TRPM4: variants seen among roughly 807,000 people sequenced by gnomAD.
TRPM4 encodes transient receptor potential cation channel subfamily M member 4.
Under a neutral mutation model 135.6 loss-of-function variants are expected in TRPM4, and 124 were observed. The ratio of observed to expected loss-of-function variants is 0.91; its 90% CI spans 0.79 to 1.06. The LOEUF (loss-of-function observed/expected upper bound fraction) is 1.06. Ranked by LOEUF, TRPM4 falls within the 50% of genes least tolerant of loss-of-function variation. The pLI is 0.00. For synonymous variants in TRPM4, 745 were observed against 705.6 expected, an observed-to-expected ratio of 1.06 and a Z score of -0.88; for missense variants, 1,658 against 1,671.4, an observed-to-expected ratio of 0.99 and a Z score of 0.14.
At position 49,195,940 on chromosome 19, in the gene TRPM4, C is replaced by A. The variant is rs530652796; in HGVS notation, c.2211-500C>A. On this transcript the variant is annotated intron_variant, in intron 16 of 24. Coordinates refer to ENST00000252826, the MANE Select transcript of TRPM4 (RefSeq NM_017636.4). ...TCGCCTAGGCTGCAGTGCATTGCAACCTCTGCCTCCCAGGTTCAAGCGATT... is the reference window on the plus strand; with the variant it reads ...TCGCCTAGGCTGCAGTGCATTGCAAACTCTGCCTCCCAGGTTCAAGCGATT... 1.6e-3 allele frequency among the ~76,000 whole-genome samples: 244 copies of A among 151,782 alleles called. 1 individual carries two copies. Among genetic ancestry groups the A allele is most frequent in the Non-Finnish European group, 1.7e-3 (113 of 67,952 alleles).
intron 2 of TRPM4, among the ~76,000 whole-genome samples, chr19:49,163,165 T>C (rs1320288130): frequency 6.6e-6 from 1 of 151,294 alleles, no homozygotes; most frequent in Non-Finnish European, 1.5e-5. Context: ...AGCTCCAGAC[T>C]ATTCCGTGAA....
intron 16 of TRPM4, among the ~76,000 whole-genome samples, chr19:49,196,230 C>A (rs1968629414): frequency 6.6e-6 from 1 of 152,152 alleles, no homozygotes; most frequent in South Asian, 2.1e-4. Context: ...TCCAACTCCT[C>A]GGCTCAAGCG....
At chr19:49,169,973 T>C (rs976475001) in intron 6 of TRPM4, among the ~76,000 whole-genome samples, 9 of 152,338 alleles carry the variant, frequency 5.9e-5, no homozygotes, top group Admixed American at 3.9e-4. Flanking sequence ...ATTTTCTTAT[T>C]GATCTTTATT....
At chr19:49,161,551 T>A (rs1966964684) in intron 2 of TRPM4, among the ~76,000 whole-genome samples, 1 of 151,536 alleles carries the variant, frequency 6.6e-6, no homozygotes, top group South Asian at 2.1e-4. Flanking sequence ...GGTATCCAAC[T>A]CCTGGACTCA....
At chr19:49,180,044 G>C (rs776786807) in intron 9 of TRPM4, among the ~76,000 whole-genome samples, 1 of 152,174 alleles carries the variant, frequency 6.6e-6, no homozygotes, top group Non-Finnish European at 1.5e-5. Flanking sequence ...TGGAACCCAC[G>C]TCTGCCTGCC....
chr19:49,181,381 G>T lies in TRPM4; in HGVS notation c.1183G>T (p.Asp395Tyr), dbSNP rs146559411. 3 of 1,613,974 alleles carry T rather than the reference G, an allele frequency of 1.9e-6. No homozygotes were observed. The highest frequency in any genetic ancestry group is 2.5e-6 in the Non-Finnish European group (3 of 1,180,014). The change falls in exon 10 of 25, where the codon GAT (aspartate) becomes TAT (tyrosine). Residue 395 changes from aspartate (D) to tyrosine (Y), a missense_variant. By Grantham distance (160) the Asp-to-Tyr change is radical. Around this residue, in one of 3 missense-constraint regions of TRPM4, gnomAD observed 1,412 missense variants for 1,408.7 expected, o/e 1.00. Coordinates refer to ENST00000252826, the MANE Select transcript of TRPM4 (RefSeq NM_017636.4). ...CGSSEASAYL[D>Y]ELRLAVAWNR... Reference sequence around the variant, plus strand: ...GAGCTCGGAGGCCTCAGCCTACCTGGATGAGCTGCGTTTGGCTGTGGCTTG... The same window carrying T: ...GAGCTCGGAGGCCTCAGCCTACCTGTATGAGCTGCGTTTGGCTGTGGCTTG...
At chr19:49,164,363 A>ATTTT (rs1967087744) in intron 2 of TRPM4, among the ~76,000 whole-genome samples, 3 of 10,100 alleles carry the variant, frequency 3.0e-4, no homozygotes, top group Non-Finnish European at 5.1e-4. Flanking sequence ...TTCTTTCCTT[A>ATTTT]GTTTTTTTTT....
At chr19:49,177,556 G>A (rs1842598983) in intron 9 of TRPM4, among the ~76,000 whole-genome samples, 1 of 151,990 alleles carries the variant, frequency 6.6e-6, no homozygotes, top group Admixed American at 6.6e-5. Context: ...TCGACCTTCT[G>A]ACCTCGTGAT....
rs754419823 is a variant in TRPM4, at chr19:49,171,466, G to A, written c.858+48G>A. The A allele has an allele frequency of 6.2e-7, 1 of 1,612,102 alleles. No individual in the cohort carries two copies. The highest frequency in any genetic ancestry group is 2.2e-5 in the East Asian group (1 of 44,852). ...ATCTAAGGGGGAAGGAGGGTTGGGGGCCAGGACTCCTGGGTCCTGAGTCTT... is the reference window on the plus strand; with the variant it reads ...ATCTAAGGGGGAAGGAGGGTTGGGGACCAGGACTCCTGGGTCCTGAGTCTT... On this transcript the variant is annotated intron_variant, in intron 7 of 24. Coordinates refer to ENST00000252826, the MANE Select transcript of TRPM4 (RefSeq NM_017636.4). This position sits in a 1 kb window ranked among gnomAD's most constrained non-coding sequence, Gnocchi z 4.7.
chr19:49,181,293 C>T, intron 9 of TRPM4, 56 bp from the exon 10 acceptor site: 1 of 1,308,506 alleles, frequency 7.6e-7, no homozygotes, highest in Non-Finnish European at 1.1e-6. Flanking sequence ...AATAGACATT[C>T]AGCAGATGTC....
At chr19:49,184,923 GT>G (rs797012638) in intron 12 of TRPM4, among the ~76,000 whole-genome samples, 12 of 134,198 alleles carry the variant, frequency 8.9e-5, no homozygotes, top group African/African-American at 2.9e-4. Flanking sequence ...TGTTTTCTGT[GT>G]TTTTTTCTTT....
chr19:49,211,725 C>T lies in TRPM4; in HGVS notation c.*227C>T, dbSNP rs1031807146. 5 of 627,894 alleles carry T rather than the reference C, an allele frequency of 8.0e-6. No individual in the cohort carries two copies. In the African/African-American group the frequency reaches 9.2e-5, roughly 12 times the overall value. 38.9% of individuals were successfully genotyped at this position (627,894 alleles called of 1,614,324 possible). A position where few individuals can be genotyped will look rare whatever the true frequency, so the allele number is the denominator to read the frequency against. ...AGCCTGGGAGGATCAAGGCCTGGAT[C>T]CCGGGCCGTTATCCATCTGGAGGCT... On this transcript the variant is annotated 3_prime_UTR_variant, in exon 25 of 25. Transcript: ENST00000252826. The surrounding 1 kb of genome is among the most constrained non-coding windows in gnomAD (Gnocchi z 4.8).
chr19:49,210,310 C>T lies in TRPM4; in HGVS notation c.3233C>T (p.Pro1078Leu). 6.2e-7 allele frequency: 1 copy of T among 1,614,250 alleles called. No individual in the cohort carries two copies. Among genetic ancestry groups the T allele is most frequent in the Admixed American group, 1.7e-5 (1 of 60,024 alleles). ...EFHSRPALAP[P>L]FIVISHLRLL... Reference sequence around the variant, plus strand: ...CACTCTCGGCCCGCGCTGGCCCCGCCCTTTATCGTCATCTCCCACTTGCGC... The same window carrying T: ...CACTCTCGGCCCGCGCTGGCCCCGCTCTTTATCGTCATCTCCCACTTGCGC... The change falls in exon 21 of 25, where the codon CCC (proline) becomes CTC (leucine). Residue 1078 changes from proline to leucine, a missense_variant. Physicochemically the swap from Pro to Leu is moderately conservative, Grantham distance 98. Transcript: ENST00000252826. The surrounding 1 kb of genome is among the most constrained non-coding windows in gnomAD (Gnocchi z 4.1).
Position 49,211,628 on chromosome 19 carries a change from C to T in TRPM4, c.*130C>T. The stretch of plus-strand genomic sequence containing the variant: ...GTGAGCCCCATGTCCATCTGGGCCA[C>T]TGTCAGGACCACCTTTGGGAGTGTC... On this transcript the variant is annotated 3_prime_UTR_variant, in exon 25 of 25. Coordinates refer to ENST00000252826, the MANE Select transcript of TRPM4 (RefSeq NM_017636.4). This position sits in a 1 kb window ranked among gnomAD's most constrained non-coding sequence, Gnocchi z 4.8. The T allele has an allele frequency of 8.6e-7, 1 of 1,164,280 alleles. No individual in the cohort carries two copies. The highest frequency in any genetic ancestry group is 2.3e-5 in the East Asian group (1 of 42,832). The allele number at this position is 1,164,280 out of a possible 1,614,324, so 72.1% of individuals were successfully genotyped here.
At position 49,211,114 on chromosome 19, in the gene TRPM4, A is replaced by G. The variant is rs112015723; in HGVS notation, c.3534+27A>G. 3.0e-3 allele frequency: 4,914 copies of G among 1,612,790 alleles called. 152 individuals carry two copies. The African/African-American group carries it at 0.059, about 19-fold the overall frequency. Reference sequence around the variant, plus strand: ...TGAGGCCTTGGGGCCTGGCTGGGGGACTGTGGCAGGGGTCCCATCTCCCGC... The same window carrying G: ...TGAGGCCTTGGGGCCTGGCTGGGGGGCTGTGGCAGGGGTCCCATCTCCCGC... On this transcript the variant is annotated intron_variant, in intron 23 of 24. Coordinates refer to ENST00000252826, the MANE Select transcript of TRPM4 (RefSeq NM_017636.4). The surrounding 1 kb of genome is among the most constrained non-coding windows in gnomAD (Gnocchi z 4.8).
At position 49,168,308 on chromosome 19, in the gene TRPM4, TTGG is replaced by T; in HGVS notation, c.500_502del (p.Gly167del). On this transcript the variant is annotated inframe_deletion, in exon 5 of 25. Coordinates refer to ENST00000252826, the MANE Select transcript of TRPM4 (RefSeq NM_017636.4). Reference sequence around the variant, plus strand: ...CTGCACACGGGCATCGGCCGGCATGTTGGTGTGGCTGTACGGGACCATCAGATG... The same window carrying T: ...CTGCACACGGGCATCGGCCGGCATGTTGTGGCTGTACGGGACCATCAGATG... 1 of 1,614,066 alleles carries T rather than the reference TTGG, an allele frequency of 6.2e-7. No homozygotes were observed. The highest frequency in any genetic ancestry group is 1.1e-5 in the South Asian group (1 of 91,078).
Position 49,167,898 on chromosome 19 carries a change from C to T in TRPM4, c.268-19C>T, listed in dbSNP as rs377765533. 1.7e-5 allele frequency: 27 copies of T among 1,612,780 alleles called. 2 individuals are homozygous for T. The highest frequency in any genetic ancestry group is 1.6e-4 in the African/African-American group (12 of 74,996). On this transcript the variant is annotated intron_variant, in intron 3 of 24. Transcript: ENST00000252826. ...TCTCTGTCCCCCTCCCTGTGTGCCC[C>T]GCTCCCATGTGTCCACAGTTCCTCC...
At chr19:49,208,255 T>C (rs1421684799) in intron 20 of TRPM4, among the ~76,000 whole-genome samples, 1 of 152,040 alleles carries the variant, frequency 6.6e-6, no homozygotes, top group Non-Finnish European at 1.5e-5. Context: ...GTTAGGCCCC[T>C]GGATAACTGC....
chr19:49,191,554 C>T (rs746132257), intron 16 of TRPM4, among the ~76,000 whole-genome samples: 3 of 148,342 alleles, frequency 2.0e-5, no homozygotes, highest in East Asian at 2.0e-4. Context: ...CTCGCTCTGT[C>T]GACCAGGCTG....
Sources: gnomAD v4.1 joint callset for allele counts (sites outside exome capture counted in the v4.1 genomes callset) on GRCh38, gnomAD v4.1.1 for gene constraint, gnomAD v4.1.1 regional missense constraint, Gnocchi (gnomAD v3.1) non-coding constraint, MANE v1.5 for transcripts, NCBI Gene and HGNC (gene_info 2026-07-23, HGNC 2026-07-21) for gene names.